DHX37: variants seen among roughly 807,000 people sequenced by gnomAD.
DHX37 encodes the protein probable ATP-dependent RNA helicase DHX37.
In DHX37, 52 loss-of-function variants were observed where a neutral mutation model predicts 134.3. That is an observed-to-expected ratio of 0.39 (90% CI 0.31 to 0.49). DHX37 has a LOEUF of 0.49. Among genes scored for constraint, DHX37 ranks in the 20% least tolerant of loss-of-function variants. The pLI is 0.93. For synonymous variants in DHX37, 634 were observed against 670.7 expected (o/e 0.95, Z 0.85); for missense variants, 1,344 against 1,580.8 (o/e 0.85, Z 2.54).
At chr12:124,970,510 C>T (rs1201576904) in intron 8 of DHX37, among the ~76,000 whole-genome samples, 3 of 152,160 alleles carry the variant, frequency 2.0e-5, no homozygotes, top group African/African-American at 7.2e-5. Flanking sequence ...CTGCAATGCA[C>T]GCCGCTCACT....
chr12:124,968,769 A>T, intron 9 of DHX37, 98 bp downstream of exon 9: 1 of 1,596,902 alleles, frequency 6.3e-7, no homozygotes, highest in Non-Finnish European at 8.5e-7. Flanking sequence ...GCTGCTGTCA[A>T]TCCCCCCTGT....
At chr12:124,957,941 C>T (rs572375578) in intron 16 of DHX37, among the ~76,000 whole-genome samples, 17 of 152,332 alleles carry the variant, frequency 1.1e-4, no homozygotes, top group East Asian at 3.9e-4. Context: ...CAGCGACACG[C>T]GCTACACCAC....
chr12:124,974,500 G>C (rs964908366), intron 6 of DHX37, among the ~76,000 whole-genome samples: 1 of 18,064 alleles, frequency 5.5e-5, no homozygotes. Context: ...ATGCTGACCC[G>C]GGGGCCGGTG....
intron 15 of DHX37, among the ~76,000 whole-genome samples, chr12:124,962,333 C>T (rs554147821): frequency 3.3e-5 from 5 of 151,754 alleles, no homozygotes; most frequent in African/African-American, 1.2e-4. Flanking sequence ...CCAGCCTGGC[C>T]AACATGGTGA....
Position 124,968,803 on chromosome 12 carries a change from G to T in DHX37, c.1293+64C>A, listed in dbSNP as rs1594494247. The T allele has an allele frequency of 6.2e-6, 10 of 1,602,898 alleles. No individual in the cohort carries two copies. In the East Asian group the frequency reaches 2.0e-4, roughly 32 times the overall value. ...GTGACCAAGTGAGGTCTCTCAGGGG[G>T]CTCCCGACACCAGGGCGTCCTTGTG... On this transcript the variant is annotated intron_variant, in intron 9 of 26. Coordinates refer to ENST00000308736, the MANE Select transcript of DHX37 (RefSeq NM_032656.4).
At chr12:124,975,187 GC>G (rs1954609175) in intron 6 of DHX37, among the ~76,000 whole-genome samples, 1 of 152,146 alleles carries the variant, frequency 6.6e-6, no homozygotes, top group Admixed American at 6.5e-5. Context: ...CCCTGGATGG[GC>G]CACTCTGTCC....
chr12:124,980,350 G>T lies in DHX37; in HGVS notation c.738+140C>A. 1 of 983,254 alleles carries T rather than the reference G, an allele frequency of 1.0e-6. No homozygotes were observed. Among genetic ancestry groups the T allele is most frequent in the Non-Finnish European group, 1.4e-6 (1 of 691,716 alleles). 60.9% of individuals were successfully genotyped at this position (983,254 alleles called of 1,614,324 possible). On this transcript the variant is annotated intron_variant, in intron 4 of 26. Coordinates refer to ENST00000308736, the MANE Select transcript of DHX37 (RefSeq NM_032656.4). This position sits in a 1 kb window ranked among gnomAD's most constrained non-coding sequence, Gnocchi z 5.3. ...AATCCCTGCCACAGCCTCAAGGGAGGCGCAGTCACTCTCCCCTTTCCCAGA... is the reference window on the plus strand; with the variant it reads ...AATCCCTGCCACAGCCTCAAGGGAGTCGCAGTCACTCTCCCCTTTCCCAGA...
intron 16 of DHX37, among the ~76,000 whole-genome samples, chr12:124,957,791 T>C (rs890720352): frequency 2.0e-5 from 3 of 151,886 alleles, no homozygotes; most frequent in South Asian, 2.1e-4. Flanking sequence ...CATCTCAAAA[T>C]AGTAATAATA....
intron 6 of DHX37, 82 bp from the exon 7 acceptor site, chr12:124,972,681 G>A: frequency 2.1e-6 from 3 of 1,432,604 alleles, no homozygotes; most frequent in Non-Finnish European, 2.9e-6. Context: ...GCAGGCCGTG[G>A]AGCAGGCAGG....
At chr12:124,961,224 G>A (rs1453795997) in intron 15 of DHX37, among the ~76,000 whole-genome samples, 23 of 117,896 alleles carry the variant, frequency 2.0e-4, no homozygotes, top group African/African-American at 5.9e-4. Context: ...GCACGCACAC[G>A]CACGCACACA....
intron 21 of DHX37, 43 bp from the exon 22 acceptor site, chr12:124,950,847 C>G (rs749970499): frequency 1.3e-6 from 2 of 1,528,982 alleles, no homozygotes; most frequent in African/African-American, 2.9e-5. Flanking sequence ...AGAACCCATG[C>G]CCAGGGGCTC....
At chr12:124,957,223 CA>C in intron 16 of DHX37, 88 bp from the exon 17 acceptor site, 1 of 1,231,432 alleles carries the variant, frequency 8.1e-7, no homozygotes, top group Non-Finnish European at 1.1e-6. Flanking sequence ...GCACTCCCTC[CA>C]ACCCCTCTCT....
Position 124,956,750 on chromosome 12 carries a change from G to C in DHX37, c.2394C>G (p.Pro798=), listed in dbSNP as rs1954104502. The change falls in exon 18 of 27, where the codon CCC becomes CCG. Residue 798 remains proline, a synonymous_variant. Coordinates refer to ENST00000308736, the MANE Select transcript of DHX37 (RefSeq NM_032656.4). ...LALSRQHGCL[P]YAITIVASMT... ...TGCTGGCCACGATGGTGATGGCATA[G>C]GGCAGGCAGCCGTGTTGTCGGCTCA... 1 of 1,608,578 alleles carries C rather than the reference G, an allele frequency of 6.2e-7. No homozygotes were observed. Among genetic ancestry groups the C allele is most frequent in the African/African-American group, 1.3e-5 (1 of 74,720 alleles).
intron 2 of DHX37, 137 bp from the exon 3 acceptor site, chr12:124,982,760 G>T: frequency 8.3e-7 from 1 of 1,198,358 alleles, no homozygotes; most frequent in Non-Finnish European, 1.1e-6. Context: ...AATTCTACTG[G>T]TGCATGGTGT....
intron 1 of DHX37, among the ~76,000 whole-genome samples, chr12:124,986,850 A>G (rs1954882469): frequency 1.3e-5 from 2 of 151,932 alleles, no homozygotes; most frequent in African/African-American, 4.8e-5. Flanking sequence ...GGTTCCAGCA[A>G]TTCTCCCGCC....
intron 1 of DHX37, among the ~76,000 whole-genome samples, chr12:124,987,628 T>C (rs758535186): frequency 6.6e-6 from 1 of 152,218 alleles, no homozygotes; most frequent in Non-Finnish European, 1.5e-5. Flanking sequence ...AACCTTTCTT[T>C]ACTTTTCAAA....
intron 8 of DHX37, 42 bp downstream of exon 8, chr12:124,971,260 G>T (rs544865693): frequency 6.3e-7 from 1 of 1,593,338 alleles, no homozygotes; most frequent in Admixed American, 1.7e-5. Flanking sequence ...GCTGGGGGGG[G>T]CCTAGGGCTC....
Position 124,956,716 on chromosome 12 carries a change from G to A in DHX37, c.2428C>T (p.Arg810Trp), listed in dbSNP as rs762459392. Residue 810 changes from arginine (R) to tryptophan (W), a missense_variant, in exon 18 of 27, where the codon CGG (arginine) becomes TGG (tryptophan). Arg to Trp is a moderately radical substitution (Grantham distance 101). Coordinates refer to ENST00000308736, the MANE Select transcript of DHX37 (RefSeq NM_032656.4). ...CTGTCCAGCTCCTCAAACAGCTCCC[G>A]CACCGTCATGCTGGCCACGATGGTG... ...AITIVASMTV[R>W]ELFEELDRPA... The A allele has an allele frequency of 4.4e-6, 7 of 1,583,168 alleles. No individual in the cohort carries two copies. Among genetic ancestry groups the A allele is most frequent in the South Asian group, 1.1e-5 (1 of 88,908 alleles).
rs374934683 is a variant in DHX37, at chr12:124,972,617, G to T, written c.981-18C>A. The T allele has an allele frequency of 1.2e-6, 2 of 1,613,496 alleles. No homozygotes were observed. The highest frequency in any genetic ancestry group is 4.5e-5 in the East Asian group (2 of 44,882). On this transcript the variant is annotated intron_variant, in intron 6 of 26. Coordinates refer to ENST00000308736, the MANE Select transcript of DHX37 (RefSeq NM_032656.4). ...AGACGACCCTGTATGGGCAGAGTTCGGGTTAGGGCAGAGCCGTGCCTGGCT... is the reference window on the plus strand; with the variant it reads ...AGACGACCCTGTATGGGCAGAGTTCTGGTTAGGGCAGAGCCGTGCCTGGCT...
Sources: allele counts gnomAD v4.1 joint callset (sites outside exome capture counted in the v4.1 genomes callset), GRCh38; gene constraint gnomAD v4.1.1; non-coding constraint Gnocchi (gnomAD v3.1); transcripts MANE v1.5; gene names NCBI Gene and HGNC (gene_info 2026-07-23, HGNC 2026-07-21).